Variants in NXN observed in about 807,000 individuals in gnomAD.
The protein encoded by NXN is nucleoredoxin.
Under a neutral mutation model 48.6 loss-of-function variants are expected in NXN, and 16 were observed. The observed-to-expected ratio is 0.33, with a 90% CI of 0.22 to 0.50. The LOEUF is 0.50. Among genes scored for constraint, NXN ranks in the 20% least tolerant of loss-of-function variants. The probability of loss-of-function intolerance (pLI) is 0.98; values close to 1 mark genes in which losing one functional copy is unlikely to be tolerated. For synonymous variants in NXN, 281 were observed against 269.6 expected (o/e 1.04, Z -0.41); for missense variants, 492 against 605.5 (o/e 0.81, Z 1.97).
At chr17:840,509 T>G (rs1914099466) in intron 1 of NXN, among the ~76,000 whole-genome samples, 1 of 152,012 alleles carries the variant, frequency 6.6e-6, no homozygotes, top group African/African-American at 2.4e-5. Flanking sequence ...ACAGCTAATT[T>G]TTTGTATTTT....
At chr17:924,844 C>A (rs1286033604) in intron 1 of NXN, among the ~76,000 whole-genome samples, 1 of 152,262 alleles carries the variant, frequency 6.6e-6, no homozygotes, top group Admixed American at 6.5e-5. Context: ...AAGTTACTTT[C>A]ATCTGCGAAA....
intron 1 of NXN, among the ~76,000 whole-genome samples, chr17:961,317 A>G (rs1044433604): frequency 6.6e-6 from 1 of 151,834 alleles, no homozygotes; most frequent in Admixed American, 6.6e-5. Flanking sequence ...CCCGGGAGGC[A>G]GAGGTTGCAG....
rs543932440 is a variant in NXN at position 915,328 on chromosome 17, C to G, written c.360+63991G>C. ...TTTCTTTCTGAGATAGAGTCTCACT[C>G]TGTCGCCCAGGCTGGAGTCATCTCG... is the stretch of plus-strand genomic sequence containing the variant. On this transcript the variant is annotated intron_variant, in intron 1 of 7. Coordinates refer to ENST00000336868, the MANE Select transcript of NXN (RefSeq NM_022463.5). 2.6e-5 allele frequency among the ~76,000 whole-genome samples: 4 copies of G among 152,160 alleles called. No homozygotes were observed. In the South Asian group the frequency reaches 8.3e-4, roughly 32 times the overall value.
intron 2 of NXN, among the ~76,000 whole-genome samples, chr17:824,381 G>A (rs1567818841): frequency 6.6e-6 from 1 of 152,136 alleles, no homozygotes; most frequent in Non-Finnish European, 1.5e-5. Context: ...AAACGCCCAG[G>A]CCACATCCTG....
intron 1 of NXN, among the ~76,000 whole-genome samples, chr17:972,434 G>A (rs1352114445): frequency 3.3e-5 from 5 of 151,422 alleles, no homozygotes; most frequent in Non-Finnish European, 2.9e-5. Flanking sequence ...CCGAGATCGC[G>A]CCACTGCTCT....
At chr17:975,330 G>C (rs1383077828) in intron 1 of NXN, among the ~76,000 whole-genome samples, 1 of 152,222 alleles carries the variant, frequency 6.6e-6, no homozygotes. Context: ...CACAGCAACT[G>C]TTCTCTTCCT....
intron 1 of NXN, among the ~76,000 whole-genome samples, chr17:876,607 G>A (rs995932167): frequency 6.6e-6 from 1 of 152,178 alleles, no homozygotes; most frequent in African/African-American, 2.4e-5. Flanking sequence ...CAGTCTCACT[G>A]GGCGGGGAGC....
intron 5 of NXN, 97 bp downstream of exon 5, chr17:819,342 A>G: frequency 1.2e-6 from 1 of 821,806 alleles, no homozygotes; most frequent in Non-Finnish European, 2.1e-6. Context: ...TCATGGAAAT[A>G]ATGATGCTCT....
chr17:839,574 G>T (rs1201996152), intron 1 of NXN, among the ~76,000 whole-genome samples: 2 of 151,946 alleles, frequency 1.3e-5, no homozygotes, highest in Admixed American at 1.3e-4. Flanking sequence ...ACTTTGGGAG[G>T]CCAAGGTGGG....
At position 825,157 on chromosome 17, in the gene NXN, G is replaced by A. The variant is rs541865615; in HGVS notation, c.478+804C>T. Among the ~76,000 whole-genome samples the A allele has an allele frequency of 6.6e-6, 1 of 151,814 alleles. No individual in the cohort carries two copies. The highest frequency in any genetic ancestry group is 1.5e-5 in the Non-Finnish European group (1 of 67,994). On this transcript the variant is annotated intron_variant, in intron 2 of 7. Coordinates refer to ENST00000336868, the MANE Select transcript of NXN (RefSeq NM_022463.5). The surrounding 1 kb of genome is among the most constrained non-coding windows in gnomAD (Gnocchi z 4.1). ...GAGTTGAGCTCAGGAGGTCGAGGCT[G>A]CAGTGAACCGGGATCATGCCACAGC...
At chr17:969,499 C>T (rs1048496672) in intron 1 of NXN, among the ~76,000 whole-genome samples, 4 of 152,148 alleles carry the variant, frequency 2.6e-5, no homozygotes, top group Admixed American at 1.3e-4. Context: ...AGCTGGAAAA[C>T]GCTGCACTCA....
intron 5 of NXN, among the ~76,000 whole-genome samples, chr17:812,782 A>ATGTGTGTAGG (rs1912186620): frequency 8.3e-6 from 1 of 120,416 alleles, no homozygotes; most frequent in African/African-American, 2.9e-5. Flanking sequence ...AGGTGTGTGC[A>ATGTGTGTAGG]TGTGTGTAGG....
chr17:939,554 C>T (rs2068946649), intron 1 of NXN, among the ~76,000 whole-genome samples: 1 of 152,158 alleles, frequency 6.6e-6, no homozygotes, highest in Non-Finnish European at 1.5e-5. Flanking sequence ...CCATGTTGGC[C>T]AGGCTGGTCT....
chr17:965,626 G>A (rs1379840646), intron 1 of NXN, among the ~76,000 whole-genome samples: 1 of 152,092 alleles, frequency 6.6e-6, no homozygotes, highest in East Asian at 1.9e-4. Context: ...CTCCTAGCCT[G>A]GAGAAGGTGT....
At chr17:922,892 C>G (rs1427578345) in intron 1 of NXN, among the ~76,000 whole-genome samples, 2 of 151,942 alleles carry the variant, frequency 1.3e-5, no homozygotes, top group Non-Finnish European at 2.9e-5. Context: ...ACCTCATGAT[C>G]CACCTGCCTT....
intron 1 of NXN, among the ~76,000 whole-genome samples, chr17:957,801 T>C (rs1033980770): frequency 1.3e-5 from 2 of 152,036 alleles, no homozygotes; most frequent in African/African-American, 4.8e-5. Context: ...ACCCAGACTC[T>C]CTTTCTCAGT....
intron 1 of NXN, among the ~76,000 whole-genome samples, chr17:924,534 G>A (rs1014339658): frequency 2.0e-5 from 3 of 152,216 alleles, no homozygotes; most frequent in African/African-American, 4.8e-5. Flanking sequence ...ACTGCGCCCG[G>A]CCGATTTTTA....
At chr17:914,049 A>G (rs2144931206) in intron 1 of NXN, among the ~76,000 whole-genome samples, 1 of 151,928 alleles carries the variant, frequency 6.6e-6, no homozygotes, top group East Asian at 1.9e-4. Flanking sequence ...CCAGACACCC[A>G]CCACCACACC....
intron 1 of NXN, among the ~76,000 whole-genome samples, chr17:845,587 C>T (rs2067851305): frequency 6.6e-6 from 1 of 152,248 alleles, no homozygotes; most frequent in Non-Finnish European, 1.5e-5. Flanking sequence ...CACTTTGTAT[C>T]TTCAGTGCCT....
Sources: gnomAD v4.1 joint callset for allele counts (sites outside exome capture counted in the v4.1 genomes callset) on GRCh38, gnomAD v4.1.1 for gene constraint, Gnocchi (gnomAD v3.1) non-coding constraint, MANE v1.5 for transcripts, NCBI Gene and HGNC (gene_info 2026-07-23, HGNC 2026-07-21) for gene names.